AGTR1: variants seen among roughly 807,000 people sequenced by gnomAD.
The protein encoded by AGTR1 is type-1 angiotensin II receptor.
In AGTR1, 16 loss-of-function variants were observed where a neutral mutation model predicts 19.4. The observed-to-expected ratio is 0.82, with a 90% confidence interval of 0.56 to 1.25. The LOEUF (loss-of-function observed/expected upper bound fraction) is 1.25, where lower values mean the gene tolerates loss of function less well. Among genes scored for constraint, AGTR1 ranks in the 50% most tolerant of loss-of-function variants. The probability of loss-of-function intolerance (pLI) is 0.00; values close to 1 mark genes in which losing one functional copy is unlikely to be tolerated. For synonymous variants in AGTR1, 153 were observed against 154.9 expected, an observed-to-expected ratio of 0.99 and a Z score of 0.09; for missense variants, 373 against 431.9, an observed-to-expected ratio of 0.86 and a Z score of 1.21.
At chr3:148,727,187 T>C (rs908958963) in intron 2 of AGTR1, among the ~76,000 whole-genome samples, 2 of 152,342 alleles carry the variant, frequency 1.3e-5, no homozygotes, top group Non-Finnish European at 2.9e-5. Context: ...AACTCTGTAA[T>C]TGTCAAACTT....
At chr3:148,723,501 C>T (rs577556385) in intron 2 of AGTR1, among the ~76,000 whole-genome samples, 5 of 152,146 alleles carry the variant, frequency 3.3e-5, no homozygotes, top group Admixed American at 1.3e-4. Flanking sequence ...ATAAGAATAC[C>T]CAAATCATGG....
intron 2 of AGTR1, among the ~76,000 whole-genome samples, chr3:148,737,396 T>C (rs1714627506): frequency 6.6e-6 from 1 of 150,816 alleles, no homozygotes; most frequent in African/African-American, 2.4e-5. Context: ...CCTCTCACCA[T>C]CCTTCCCCCA....
Position 148,741,211 on chromosome 3 carries a change from T to C in AGTR1, c.176T>C (p.Leu59Pro), listed in dbSNP as rs751092458. The part of the protein sequence containing the change: ...VVIVIYFYMK[L>P]KTVASVFLLN... ...ATAGTCATTTACTTTTATATGAAGC[T>C]GAAGACTGTGGCCAGTGTTTTTCTT... is the stretch of plus-strand genomic sequence containing the variant. Residue 59 changes from leucine to proline, a missense_variant, in exon 3 of 3, where the codon CTG (leucine) becomes CCG (proline). Coordinates refer to ENST00000349243, the MANE Select transcript of AGTR1 (RefSeq NM_000685.5). 1.5e-5 allele frequency: 24 copies of C among 1,614,086 alleles called. No individual in the cohort carries two copies. The South Asian group carries it at 2.6e-4, about 18-fold the overall frequency.
intron 2 of AGTR1, among the ~76,000 whole-genome samples, chr3:148,736,637 A>T (rs1714585857): frequency 6.6e-6 from 1 of 152,212 alleles, no homozygotes; most frequent in African/African-American, 2.4e-5. Flanking sequence ...CTACAGATGA[A>T]AAAAAACTGA....
intron 2 of AGTR1, chr3:148,740,040 C>G: frequency 8.8e-7 from 1 of 1,134,634 alleles, no homozygotes; most frequent in Non-Finnish European, 1.1e-6. Flanking sequence ...TGTTGATTTT[C>G]TAAATCACAT....
chr3:148,703,250 C>T (rs560974605), intron 1 of AGTR1, among the ~76,000 whole-genome samples: 3 of 152,242 alleles, frequency 2.0e-5, no homozygotes, highest in East Asian at 1.9e-4. Flanking sequence ...AATTATCTCA[C>T]GTATCCCAGT....
At position 148,742,004 on chromosome 3, in the gene AGTR1, A is replaced by G. The variant is rs1064537; in HGVS notation, c.969A>G (p.Lys323=). 1.2e-6 allele frequency: 2 copies of G among 1,613,742 alleles called. No homozygotes were observed. Among genetic ancestry groups the G allele is most frequent in the Admixed American group, 3.3e-5 (2 of 59,900 alleles). The change falls in exon 3 of 3, where the codon AAA becomes AAG. Residue 323 remains lysine (K), a synonymous_variant. Coordinates refer to ENST00000349243, the MANE Select transcript of AGTR1 (RefSeq NM_000685.5). ...FLQLLKYIPP[K]AKSHSNLSTK... is the part of the protein sequence containing the mutation. ...AGCTTCTAAAATATATTCCCCCAAA[A>G]GCCAAATCCCACTCAAACCTTTCAA... is the stretch of plus-strand genomic sequence containing the variant.
rs768524244 is a variant in AGTR1 at position 148,742,127 on chromosome 3, C to A, written c.*12C>A. 21 of 1,613,806 alleles carry A rather than the reference C, an allele frequency of 1.3e-5. No individual in the cohort carries two copies. In the Admixed American group the frequency reaches 3.5e-4, roughly 27 times the overall value. ...TTGAGGTTGAGTGACATGTTCGAAACCTGTCCATAAAGTAATTTTGTGAAA... is the reference window on the plus strand; with the variant it reads ...TTGAGGTTGAGTGACATGTTCGAAAACTGTCCATAAAGTAATTTTGTGAAA... On this transcript the variant is annotated 3_prime_UTR_variant, in exon 3 of 3. Coordinates refer to ENST00000349243, the MANE Select transcript of AGTR1 (RefSeq NM_000685.5).
chr3:148,719,432 A>G (rs867679234), intron 2 of AGTR1, among the ~76,000 whole-genome samples: 6 of 152,198 alleles, frequency 3.9e-5, no homozygotes, highest in African/African-American at 1.4e-4. Flanking sequence ...ATTTTTCTCT[A>G]AAAGATCTTG....
chr3:148,711,354 G>A (rs1023016537), intron 2 of AGTR1, among the ~76,000 whole-genome samples: 1 of 152,056 alleles, frequency 6.6e-6, no homozygotes, highest in Non-Finnish European at 1.5e-5. Context: ...AAGCATCAAG[G>A]GTTTGAAATA....
At position 148,719,751 on chromosome 3, in the gene AGTR1, G is replaced by A. The variant is rs372294502; in HGVS notation, c.-48+11724G>A. On this transcript the variant is annotated intron_variant, in intron 2 of 2. Coordinates refer to ENST00000349243, the MANE Select transcript of AGTR1 (RefSeq NM_000685.5). ...CTGCTTGAAATGCAGATTCTATCTC[G>A]GTCTGGGGTGGGGCCTGAGGCTGTC... 1.2e-3 allele frequency among the ~76,000 whole-genome samples: 178 copies of A among 152,272 alleles called. 1 individual carries two copies. Among genetic ancestry groups the A allele is most frequent in the African/African-American group, 4.0e-3 (168 of 41,564 alleles).
intron 2 of AGTR1, among the ~76,000 whole-genome samples, chr3:148,724,208 T>A (rs1245557930): frequency 6.6e-6 from 1 of 152,104 alleles, no homozygotes; most frequent in Non-Finnish European, 1.5e-5. Flanking sequence ...GTGGCCCCCC[T>A]CCAAGAAAGG....
intron 1 of AGTR1, among the ~76,000 whole-genome samples, chr3:148,706,870 C>T (rs1390773690): frequency 6.6e-6 from 1 of 151,824 alleles, no homozygotes; most frequent in Middle Eastern, 3.2e-3. Context: ...ATTGGTATAA[C>T]CTTAACGGAG....
At chr3:148,737,925 T>C (rs1281079154) in intron 2 of AGTR1, among the ~76,000 whole-genome samples, 1 of 152,216 alleles carries the variant, frequency 6.6e-6, no homozygotes, top group Non-Finnish European at 1.5e-5. Flanking sequence ...ATATATTAAA[T>C]ACCAGTCAAT....
At chr3:148,708,172 A>G (rs746413437) in intron 2 of AGTR1, 145 bp downstream of exon 2, 7 of 152,202 alleles carry the variant, frequency 4.6e-5, no homozygotes, top group Non-Finnish European at 7.3e-5. Flanking sequence ...CAGTGTTACC[A>G]CATCCCCTCC....
At chr3:148,713,830 G>A (rs12721211) in intron 2 of AGTR1, among the ~76,000 whole-genome samples, 1,728 of 152,216 alleles carry the variant, frequency 0.011, 31 homozygotes, top group African/African-American at 0.039. Flanking sequence ...ATGGTTTTAC[G>A]TAGGGCAATA....
intron 1 of AGTR1, among the ~76,000 whole-genome samples, chr3:148,700,467 G>C (rs542498060): frequency 6.6e-6 from 1 of 152,200 alleles, no homozygotes; most frequent in South Asian, 2.1e-4. Flanking sequence ...ATTTGTTACA[G>C]GGACAAAAAT....
At chr3:148,732,088 G>A (rs781095222) in intron 2 of AGTR1, among the ~76,000 whole-genome samples, 1 of 152,184 alleles carries the variant, frequency 6.6e-6, no homozygotes, top group Non-Finnish European at 1.5e-5. Context: ...AAGAATCTGA[G>A]AATAGGGTTG....
At chr3:148,725,286 A>G (rs1433301074) in intron 2 of AGTR1, among the ~76,000 whole-genome samples, 3 of 152,188 alleles carry the variant, frequency 2.0e-5, no homozygotes, top group Admixed American at 2.0e-4. Context: ...AGTTAACTTA[A>G]AGTCATTTGT....
Sources: gnomAD v4.1 joint callset for allele counts (sites outside exome capture counted in the v4.1 genomes callset) on GRCh38, gnomAD v4.1.1 for gene constraint, MANE v1.5 for transcripts, NCBI Gene and HGNC (gene_info 2026-07-23, HGNC 2026-07-21) for gene names.